KPNA7: variants seen among roughly 807,000 people sequenced by gnomAD.
KPNA7 encodes the protein importin subunit alpha-8.
A neutral mutation model predicts 53.7 loss-of-function variants in KPNA7; 54 were observed. The ratio of observed to expected loss-of-function variants is 1.01; its 90% CI spans 0.81 to 1.26. The LOEUF (loss-of-function observed/expected upper bound fraction) is 1.26, where lower values mean the gene tolerates loss of function less well. KPNA7 is among the 50% of genes most tolerant of loss of function. The probability of loss-of-function intolerance (pLI) is 0.00; values close to 1 mark genes in which losing one functional copy is unlikely to be tolerated. For missense variants in KPNA7, 640 were observed against 644.5 expected, an observed-to-expected ratio of 0.99 and a Z score of 0.07; for synonymous variants, 276 against 259.3, an observed-to-expected ratio of 1.06 and a Z score of -0.62.
intron 10 of KPNA7, among the ~76,000 whole-genome samples, chr7:99,176,637 G>A (rs1001755392): frequency 6.6e-6 from 1 of 152,154 alleles, no homozygotes; most frequent in Non-Finnish European, 1.5e-5. Flanking sequence ...CACTTTGGGA[G>A]GCCGAGACGG....
At chr7:99,187,555 A>ATT (rs36042018) in intron 7 of KPNA7, among the ~76,000 whole-genome samples, 60,299 of 124,054 alleles carry the variant, frequency 0.49, 17,093 homozygotes, top group East Asian at 0.64. Context: ...CACCCAGCTA[A>ATT]TTTTTTTTTT....
At chr7:99,172,857 G>C (rs538918182), downstream of KPNA7, among the ~76,000 whole-genome samples, 16 of 152,156 alleles carry the variant, frequency 1.1e-4, 2 homozygotes, top group Admixed American at 9.2e-4. Flanking sequence ...GAGGTCATGA[G>C]TTTGAGACCA....
intron 9 of KPNA7, among the ~76,000 whole-genome samples, chr7:99,180,783 CCCCG>C (rs1799168824): frequency 1.5e-5 from 1 of 66,720 alleles, no homozygotes; most frequent in Non-Finnish European, 3.9e-5. Context: ...CTCTCTCTCT[CCCCG>C]TCTGTGTCTC....
chr7:99,175,287 C>G (rs900124938), intron 10 of KPNA7, among the ~76,000 whole-genome samples: 4 of 152,080 alleles, frequency 2.6e-5, no homozygotes, highest in African/African-American at 9.7e-5. Context: ...AAGCAATCCT[C>G]CCACTGTAGC....
intron 3 of KPNA7, among the ~76,000 whole-genome samples, chr7:99,197,534 AG>A (rs1171939826): frequency 6.6e-6 from 1 of 152,218 alleles, no homozygotes; most frequent in African/African-American, 2.4e-5. Context: ...AACTAGACAA[AG>A]ATTTTAAATA....
At chr7:99,163,383 A>ATATATATATATATTT in the KPNA7 span, among the ~76,000 whole-genome samples, 1 of 40,814 alleles carries the variant, frequency 2.5e-5, no homozygotes, top group Non-Finnish European at 4.2e-5. Flanking sequence ...ATATATATAT[A>ATATATATATATATTT]TTTTTTTTTT....
At chr7:99,200,333 C>T (rs1001052190) in intron 3 of KPNA7, among the ~76,000 whole-genome samples, 5 of 152,130 alleles carry the variant, frequency 3.3e-5, no homozygotes, top group African/African-American at 9.7e-5. Context: ...CCACCATGCC[C>T]GGCATCTGCT....
At chr7:99,186,052 C>CA (rs1789571317) in intron 7 of KPNA7, among the ~76,000 whole-genome samples, 1 of 152,182 alleles carries the variant, frequency 6.6e-6, no homozygotes, top group Non-Finnish European at 1.5e-5. Flanking sequence ...CTCGGCCTCC[C>CA]AAAGTGCTGG....
Position 99,185,052 on chromosome 7 carries a change from G to GA in KPNA7, c.1010_1011insT (p.Lys338GlnfsTer45), listed in dbSNP as rs1347374329. ...CTGCCTCCTTCTGGATGGAGGGCTT[G>GA]TTGTGTTGCAGGAGCTGGGGGAGCA... On this transcript the variant is annotated frameshift_variant, in exon 8 of 11. Coordinates refer to ENST00000327442, the MANE Select transcript of KPNA7 (RefSeq NM_001145715.3). LOFTEE classifies it high-confidence loss of function. The GA allele has an allele frequency of 2.6e-6, 4 of 1,551,838 alleles. No homozygotes were observed. The Admixed American group carries it at 7.8e-5, about 30-fold the overall frequency.
intron 2 of KPNA7, among the ~76,000 whole-genome samples, chr7:99,205,085 A>G (rs1042821936): frequency 6.6e-6 from 1 of 152,170 alleles, no homozygotes; most frequent in Admixed American, 6.5e-5. Flanking sequence ...CAGTGGTCCT[A>G]GAAGCCGGAC....
chr7:99,170,807 T>C (rs954003390), downstream of KPNA7, among the ~76,000 whole-genome samples: 9 of 152,218 alleles, frequency 5.9e-5, no homozygotes, highest in African/African-American at 1.9e-4. Context: ...CACAAAATAA[T>C]TGGCAATCAG....
chr7:99,167,613 CTTTTTTTTTTTTTTTTTTT>C, the KPNA7 span, among the ~76,000 whole-genome samples: 16 of 67,142 alleles, frequency 2.4e-4, 1 homozygote, highest in South Asian at 1.6e-3. Context: ...TCACACCCAA[CTTTTTTTTTTTTTTTTTTT>C]TTTTTTTTTT....
At chr7:99,216,963 A>G (rs1467010893) in intron 1 of KPNA7, among the ~76,000 whole-genome samples, 1 of 152,118 alleles carries the variant, frequency 6.6e-6, no homozygotes, top group African/African-American at 2.4e-5. Flanking sequence ...ATTTCAGGCC[A>G]TTTTTGAGCT....
rs182596341 is a variant in KPNA7 at position 99,185,868 on chromosome 7, C to T, written c.901-706G>A. Among the ~76,000 whole-genome samples the T allele has an allele frequency of 5.9e-5, 9 of 152,246 alleles. No homozygotes were observed. The East Asian group carries it at 1.5e-3, about 26-fold the overall frequency. On this transcript the variant is annotated intron_variant, in intron 7 of 10. Coordinates refer to ENST00000327442, the MANE Select transcript of KPNA7 (RefSeq NM_001145715.3). Reference sequence around the variant, plus strand: ...TATAGTGGTACGATTTTGGTTGTCACTGCAACCTCTGCCTCCTGGGTTCAA... The same window carrying T: ...TATAGTGGTACGATTTTGGTTGTCATTGCAACCTCTGCCTCCTGGGTTCAA...
chr7:99,180,555 C>CTCTG (rs56053514), intron 9 of KPNA7, among the ~76,000 whole-genome samples: 88,223 of 141,378 alleles, frequency 0.62, 29,102 homozygotes, highest in East Asian at 0.74. Context: ...CTCCGTCTGT[C>CTCTG]TCTGTCTCTG....
intron 3 of KPNA7, among the ~76,000 whole-genome samples, chr7:99,202,871 A>AAAG (rs200632079): frequency 0.079 from 12,037 of 152,044 alleles, 514 homozygotes; most frequent in South Asian, 0.15. Context: ...AAGTATAATA[A>AAAG]AAATCCTCTC....
chr7:99,162,978 C>T, the KPNA7 span, among the ~76,000 whole-genome samples: 1 of 152,026 alleles, frequency 6.6e-6, no homozygotes, highest in Non-Finnish European at 1.5e-5. Context: ...GTCGGGAGTT[C>T]AAGACCAGCC....
chr7:99,193,208 C>T, intron 5 of KPNA7, 107 bp from the exon 6 acceptor site: 1 of 642,794 alleles, frequency 1.6e-6, no homozygotes, highest in Non-Finnish European at 2.5e-6. Flanking sequence ...AAAACTCATT[C>T]CCGGGTTTAG....
In KPNA7 at chr7:99,185,090, C is replaced by T; in HGVS notation, c.973G>A (p.Gly325Ser). The stretch of plus-strand genomic sequence containing the variant: ...AGCTGGGGGAGCACGTTCAGCATAC[C>T]CGCATCAATGGCCATCTGCGTCTGC... ...DEQTQMAIDAGMLNVLPQLLQ... is the reference protein window; with the variant it reads ...DEQTQMAIDASMLNVLPQLLQ... Residue 325 changes from glycine (G) to serine (S), a missense_variant, in exon 8 of 11, where the codon GGT (glycine) becomes AGT (serine). By Grantham distance (56) the Gly-to-Ser change is moderately conservative. Coordinates refer to ENST00000327442, the MANE Select transcript of KPNA7 (RefSeq NM_001145715.3). The T allele has an allele frequency of 6.4e-7, 1 of 1,551,970 alleles. No homozygotes were observed. Among genetic ancestry groups the T allele is most frequent in the South Asian group, 1.2e-5 (1 of 84,044 alleles).
Sources: allele counts gnomAD v4.1 joint callset (sites outside exome capture counted in the v4.1 genomes callset), GRCh38; gene constraint gnomAD v4.1.1; transcripts MANE v1.5; gene names NCBI Gene and HGNC (gene_info 2026-07-23, HGNC 2026-07-21).